The following PLXNA4 variants were observed in gnomAD, a reference collection of about 807,000 sequenced individuals.
The protein encoded by PLXNA4 is plexin-A4.
Under a neutral mutation model 191.8 loss-of-function variants are expected in PLXNA4, and 44 were observed. The observed-to-expected ratio is 0.23, with a 90% CI of 0.18 to 0.29. PLXNA4 has a LOEUF of 0.29. PLXNA4 is among the 10% of genes least tolerant of loss of function. PLXNA4 has a pLI of 1.00. For synonymous variants in PLXNA4, 1,082 were observed against 1,009.5 expected (o/e 1.07, Z -1.36); for missense variants, 1,800 against 2,488.8 (o/e 0.72, Z 5.89).
rs1486154867 is a variant in PLXNA4 at position 132,469,103 on chromosome 7, G to A, written c.1371+20189C>T. 6.3e-5 allele frequency among the ~76,000 whole-genome samples: 8 copies of A among 126,966 alleles called. No individual in the cohort carries two copies. The East Asian group carries it at 8.9e-4, about 14-fold the overall frequency. The allele number at this position is 126,966 out of a possible 152,430, so 83.3% of individuals were successfully genotyped here. A position where few individuals can be genotyped will look rare whatever the true frequency, so the allele number is the denominator to read the frequency against. On this transcript the variant is annotated intron_variant, in intron 3 of 31. Coordinates refer to ENST00000321063, the MANE Select transcript of PLXNA4 (RefSeq NM_020911.2). ...CTCGTAGGGAAACTAAATTGAGCTCGGAAATGCACACCAACCAAAAAAAAA... is the reference window on the plus strand; with the variant it reads ...CTCGTAGGGAAACTAAATTGAGCTCAGAAATGCACACCAACCAAAAAAAAA...
rs139595456 is a variant in PLXNA4 at position 132,595,042 on chromosome 7, CAGAT to C, written c.-87+50882_-87+50885del. The stretch of plus-strand genomic sequence containing the variant: ...ATAGACAGACAGACAGACAGACAGA[CAGAT>C]AGATAGAGAGCTTTGCTAGGCTTAG... On this transcript the variant is annotated intron_variant, in intron 2 of 4. Coordinates refer to the PLXNA4 transcript ENST00000378539. Among the ~76,000 whole-genome samples the C allele has an allele frequency of 4.3e-3, 640 of 147,810 alleles. 3 individuals carry two copies. The highest frequency in any genetic ancestry group is 9.1e-3 in the Admixed American group (136 of 14,904).
chr7:132,589,004 A>G (rs1426261243), intron 2 of PLXNA4, among the ~76,000 whole-genome samples: 1 of 152,156 alleles, frequency 6.6e-6, no homozygotes, highest in Non-Finnish European at 1.5e-5. Flanking sequence ...AAGATTTTTT[A>G]TTTTAGAAAA....
intron 2 of PLXNA4, among the ~76,000 whole-genome samples, chr7:132,606,018 G>T (rs773524122): frequency 5.9e-5 from 9 of 152,112 alleles, no homozygotes; most frequent in Non-Finnish European, 1.3e-4. Flanking sequence ...ACAAAAATCA[G>T]CTGAGCACAA....
chr7:132,174,572 C>T (rs1796393755), intron 21 of PLXNA4, among the ~76,000 whole-genome samples: 1 of 152,192 alleles, frequency 6.6e-6, no homozygotes, highest in South Asian at 2.1e-4. Context: ...AGACCTGAAG[C>T]CCTACTCACA....
At chr7:132,268,839 T>G (rs1024212496) in intron 4 of PLXNA4, among the ~76,000 whole-genome samples, 2 of 152,132 alleles carry the variant, frequency 1.3e-5, no homozygotes, top group African/African-American at 4.8e-5. Flanking sequence ...ATGTGTGGTG[T>G]GGGGAAGGAG....
At chr7:132,644,430 T>C (rs1206553869) in intron 2 of PLXNA4, among the ~76,000 whole-genome samples, 2 of 152,222 alleles carry the variant, frequency 1.3e-5, no homozygotes. Flanking sequence ...TGGCCTGTGT[T>C]CCTGGCTGCC....
intron 25 of PLXNA4, among the ~76,000 whole-genome samples, chr7:132,158,116 C>G (rs1314494803): frequency 3.9e-5 from 6 of 152,186 alleles, no homozygotes; most frequent in Admixed American, 1.3e-4. Context: ...CCCTCAATAT[C>G]CAAGCTCAGA....
intron 19 of PLXNA4, 90 bp downstream of exon 19, chr7:132,180,496 G>T (rs939621872): frequency 1.3e-6 from 2 of 1,569,222 alleles, no homozygotes; most frequent in South Asian, 2.4e-5. Context: ...TTGTGGGACA[G>T]AATCCCCTCT....
In PLXNA4 at chr7:132,210,995, C is replaced by T. The variant is rs138897803; in HGVS notation, c.2246G>A (p.Arg749Gln). The part of the protein sequence containing the change: ...CILNIQGSEQ[R>Q]VPALRFNSSS... Reference sequence around the variant, plus strand: ...GCTGTTGAAGCGCAGGGCGGGCACTCGCTGCTCGCTGCCCTGAATGTTGAG... The same window carrying T: ...GCTGTTGAAGCGCAGGGCGGGCACTTGCTGCTCGCTGCCCTGAATGTTGAG... The change falls in exon 10 of 32, where the codon CGA (arginine) becomes CAA (glutamine). Residue 749 changes from arginine (R) to glutamine (Q), a missense_variant. This residue lies in a region of PLXNA4 where 1,397 missense variants were observed against 1,880.4 expected (regional missense o/e 0.74). Coordinates refer to ENST00000321063, the MANE Select transcript of PLXNA4 (RefSeq NM_020911.2). 39 of 1,613,750 alleles carry T rather than the reference C, an allele frequency of 2.4e-5. No homozygotes were observed. Among genetic ancestry groups the T allele is most frequent in the Middle Eastern group, 3.4e-4 (2 of 5,810 alleles).
intron 26 of PLXNA4, 24 bp downstream of exon 26, chr7:132,148,519 C>T (rs748306140): frequency 4.3e-6 from 7 of 1,613,728 alleles, no homozygotes; most frequent in Non-Finnish European, 5.9e-6. Flanking sequence ...TGGCTAGCTC[C>T]TCCCCTTTCC....
In PLXNA4 at chr7:132,489,337, G is replaced by A. The variant is rs1225829572; in HGVS notation, c.1326C>T (p.Asn442=). The change falls in exon 3 of 32, where the codon AAC becomes AAT. Residue 442 remains asparagine, a synonymous_variant. Coordinates refer to ENST00000321063, the MANE Select transcript of PLXNA4 (RefSeq NM_020911.2). ...TGGTGCCCACAAAGGCCAGAGAGTGGTTCTTGTAGACATATGCGATGACAG... is the reference window on the plus strand; with the variant it reads ...TGGTGCCCACAAAGGCCAGAGAGTGATTCTTGTAGACATATGCGATGACAG... The part of the protein sequence containing the change: ...MTSVIAYVYK[N]HSLAFVGTKS... 6.3e-7 allele frequency: 1 copy of A among 1,599,086 alleles called. No homozygotes were observed. Among genetic ancestry groups the A allele is most frequent in the Non-Finnish European group, 8.6e-7 (1 of 1,167,382 alleles).
chr7:132,198,625 C>T lies in PLXNA4; in HGVS notation c.2598G>A (p.Val866=). 1.2e-6 allele frequency: 2 copies of T among 1,614,152 alleles called. No individual in the cohort carries two copies. The highest frequency in any genetic ancestry group is 3.3e-4 in the Middle Eastern group (2 of 6,060). ...TGGTGCCCCCTTCCCGGGGGCCTGT[C>T]ACCGGGATTATCTGGAGGGAGGAAG... ...TNPRITEIIP[V]TGPREGGTKV... is the part of the protein sequence containing the mutation. The change falls in exon 13 of 32, where the codon GTG becomes GTA. Residue 866 remains valine (V), a synonymous_variant. Coordinates refer to ENST00000321063, the MANE Select transcript of PLXNA4 (RefSeq NM_020911.2).
At position 132,307,664 on chromosome 7, in the gene PLXNA4, G is replaced by A. The variant is rs116302250; in HGVS notation, c.1372-9442C>T. ...GCGTGGCCGGTAGGTGCCCTGTTTC[G>A]CCAGCAGGGTGGACTGTTTGATGCC... On this transcript the variant is annotated intron_variant, in intron 3 of 31. Transcript: ENST00000321063. 5.3e-3 allele frequency among the ~76,000 whole-genome samples: 813 copies of A among 152,146 alleles called. 12 individuals carry two copies. Among genetic ancestry groups the A allele is most frequent in the African/African-American group, 0.018 (767 of 41,522 alleles).
intron 31 of PLXNA4, among the ~76,000 whole-genome samples, chr7:132,130,918 T>C (rs1794908078): frequency 6.6e-6 from 1 of 152,198 alleles, no homozygotes; most frequent in African/African-American, 2.4e-5. Flanking sequence ...ACCTGCAGGT[T>C]AGACAGCAGC....
intron 1 of PLXNA4, among the ~76,000 whole-genome samples, chr7:132,522,014 C>T (rs1202633737): frequency 1.3e-5 from 2 of 152,256 alleles, no homozygotes; most frequent in East Asian, 3.9e-4. Context: ...AGGACCTGCT[C>T]AGAAGCTGTG....
intron 3 of PLXNA4, among the ~76,000 whole-genome samples, chr7:132,469,842 G>C (rs1449242400): frequency 1.1e-4 from 16 of 152,210 alleles, no homozygotes; most frequent in Admixed American, 9.2e-4. Context: ...AATTATCAGA[G>C]GAAAACAGAA....
chr7:132,563,985 C>T (rs1173522269), intron 1 of PLXNA4, among the ~76,000 whole-genome samples: 1 of 19,644 alleles, frequency 5.1e-5, no homozygotes, highest in African/African-American at 1.4e-4. Context: ...TCCTCCTTCT[C>T]CTCCTCCTCC....
In PLXNA4 at chr7:132,168,478, G is replaced by A. The variant is rs371546738; in HGVS notation, c.4112C>T (p.Thr1371Met). The stretch of plus-strand genomic sequence containing the variant: ...GGAGAAGCTACGCTGGGACTCAAGC[G>A]TGCGGATGAAGGACAGCAGGAACAC... The part of the protein sequence containing the change: ...NKVFLLSFIR[T>M]LESQRSFSMR... The change falls in exon 22 of 32, where the codon ACG becomes ATG. Residue 1371 changes from threonine (T) to methionine (M), a missense_variant. Transcript: ENST00000321063. The A allele has an allele frequency of 8.7e-6, 14 of 1,613,788 alleles. No individual in the cohort carries two copies. Among genetic ancestry groups the A allele is most frequent in the African/African-American group, 4.0e-5 (3 of 74,936 alleles).
At chr7:132,225,777 TGCC>T (rs1249789331) in intron 8 of PLXNA4, among the ~76,000 whole-genome samples, 1 of 152,202 alleles carries the variant, frequency 6.6e-6, no homozygotes, top group East Asian at 1.9e-4. Flanking sequence ...TTCCCTTCTC[TGCC>T]CATGGAGCTT....
Sources: allele counts gnomAD v4.1 joint callset (sites outside exome capture counted in the v4.1 genomes callset), GRCh38; gene constraint gnomAD v4.1.1; regional missense constraint gnomAD v4.1.1; transcripts MANE v1.5; gene names NCBI Gene and HGNC (gene_info 2026-07-23, HGNC 2026-07-21).